PTPRT: variants seen among roughly 807,000 people sequenced by gnomAD.
PTPRT encodes the protein receptor-type tyrosine-protein phosphatase T.
Under a neutral mutation model 176.8 loss-of-function variants are expected in PTPRT, and 56 were observed. The observed-to-expected ratio is 0.32, with a 90% CI of 0.26 to 0.40. The LOEUF (loss-of-function observed/expected upper bound fraction) is 0.40, where lower values mean the gene tolerates loss of function less well. Ranked by LOEUF, PTPRT falls within the 10% of genes least tolerant of loss-of-function variation. PTPRT has a pLI of 1.00. For synonymous variants in PTPRT, 783 were observed against 739.0 expected, an observed-to-expected ratio of 1.06 and a Z score of -0.96; for missense variants, 1,540 against 1,908.2, an observed-to-expected ratio of 0.81 and a Z score of 3.60.
At chr20:42,582,855 T>G (rs573453721) in intron 7 of PTPRT, among the ~76,000 whole-genome samples, 5 of 152,156 alleles carry the variant, frequency 3.3e-5, no homozygotes, top group Non-Finnish European at 5.9e-5. Flanking sequence ...CCCAAATTAA[T>G]CCCCAAATGG....
At chr20:42,253,269 C>T (rs1021868018) in intron 13 of PTPRT, among the ~76,000 whole-genome samples, 1 of 152,044 alleles carries the variant, frequency 6.6e-6, no homozygotes, top group African/African-American at 2.4e-5. Context: ...ACTGATGGGG[C>T]CATTGGCAAT....
At chr20:42,138,793 A>G (rs1198353937) in intron 18 of PTPRT, among the ~76,000 whole-genome samples, 1 of 152,178 alleles carries the variant, frequency 6.6e-6, no homozygotes, top group East Asian at 1.9e-4. Flanking sequence ...ACTAAATTCT[A>G]AATAGAATCA....
At chr20:42,599,457 G>T (rs1476543089) in intron 7 of PTPRT, among the ~76,000 whole-genome samples, 1 of 152,150 alleles carries the variant, frequency 6.6e-6, no homozygotes, top group African/African-American at 2.4e-5. Context: ...AATGCCCCCT[G>T]CCTTAGGATT....
At chr20:42,405,338 C>T (rs2058950731) in intron 9 of PTPRT, among the ~76,000 whole-genome samples, 1 of 151,972 alleles carries the variant, frequency 6.6e-6, no homozygotes, top group Non-Finnish European at 1.5e-5. Context: ...GCTTTCCCTC[C>T]CCAATTTCCC....
intron 1 of PTPRT, among the ~76,000 whole-genome samples, chr20:43,077,794 T>C (rs1050919557): frequency 2.6e-5 from 4 of 152,232 alleles, no homozygotes; most frequent in Admixed American, 2.0e-4. Context: ...CCCTGCTGGC[T>C]TGTGGTGTGG....
chr20:42,052,305 C>T, the PTPRT span, among the ~76,000 whole-genome samples: 1 of 152,196 alleles, frequency 6.6e-6, no homozygotes, highest in Non-Finnish European at 1.5e-5. Flanking sequence ...CACATGAGAC[C>T]TATTTTCCCA....
intron 5 of PTPRT, among the ~76,000 whole-genome samples, chr20:42,761,710 T>TA (rs1007106357): frequency 1.5e-4 from 23 of 152,354 alleles, no homozygotes; most frequent in African/African-American, 5.5e-4. Flanking sequence ...GGGATCTTGT[T>TA]AAAAATGCAC....
chr20:42,492,937 T>C (rs2071586318), intron 7 of PTPRT, among the ~76,000 whole-genome samples: 1 of 152,240 alleles, frequency 6.6e-6, no homozygotes, highest in Admixed American at 6.5e-5. Context: ...GTTTATTCAT[T>C]CTATTTCTCA....
intron 1 of PTPRT, among the ~76,000 whole-genome samples, chr20:43,156,138 G>A (rs1472144608): frequency 6.6e-6 from 1 of 152,152 alleles, no homozygotes; most frequent in African/African-American, 2.4e-5. Flanking sequence ...ACCTTGTTTG[G>A]GGGCTTCTCT....
intron 13 of PTPRT, chr20:42,270,288 G>T (rs1262518597): frequency 1.6e-5 from 15 of 960,290 alleles, no homozygotes; most frequent in Middle Eastern, 3.1e-4. Flanking sequence ...GGGTGGGTGG[G>T]TGGGTGGGGT....
rs537613186 is a variant in PTPRT, at chr20:42,795,350, C to T, written c.215-3884G>A. Among the ~76,000 whole-genome samples, 7 of 152,258 alleles carry T rather than the reference C, an allele frequency of 4.6e-5. No homozygotes were observed. In the South Asian group the frequency reaches 1.5e-3, roughly 32 times the overall value. On this transcript the variant is annotated intron_variant, in intron 2 of 30. Coordinates refer to ENST00000373187, the MANE Select transcript of PTPRT (RefSeq NM_007050.6). Reference sequence around the variant, plus strand: ...TCGTGCATAATAATGCCTTGATAAGCGCCTCGTTATTGATGTGTCTGCAAC... The same window carrying T: ...TCGTGCATAATAATGCCTTGATAAGTGCCTCGTTATTGATGTGTCTGCAAC...
intron 2 of PTPRT, among the ~76,000 whole-genome samples, chr20:42,880,113 C>CG (rs956765055): frequency 4.6e-5 from 7 of 151,744 alleles, no homozygotes; most frequent in South Asian, 2.1e-4. Flanking sequence ...GGGGCAGGCC[C>CG]GGGGGGGTTT....
At chr20:42,663,571 A>G (rs1196678765) in intron 7 of PTPRT, among the ~76,000 whole-genome samples, 2 of 152,124 alleles carry the variant, frequency 1.3e-5, no homozygotes, top group Non-Finnish European at 2.9e-5. Context: ...ACAGGGGCTC[A>G]TGTGCTCTTT....
At chr20:42,975,423 G>A (rs751298075) in intron 1 of PTPRT, among the ~76,000 whole-genome samples, 1 of 151,882 alleles carries the variant, frequency 6.6e-6, no homozygotes, top group African/African-American at 2.4e-5. Flanking sequence ...AAAAATGTAT[G>A]GATTCTTATT....
At chr20:42,139,132 T>C (rs994519833) in intron 18 of PTPRT, among the ~76,000 whole-genome samples, 9 of 152,266 alleles carry the variant, frequency 5.9e-5, no homozygotes, top group Middle Eastern at 3.4e-3. Context: ...TCCATTTCCC[T>C]TTTTTTCTTG....
chr20:42,656,383 A>G (rs2075125595), intron 7 of PTPRT, among the ~76,000 whole-genome samples: 1 of 152,212 alleles, frequency 6.6e-6, no homozygotes. Flanking sequence ...TTCCGCTCCA[A>G]ATAGGGGGTT....
At chr20:42,740,718 C>T (rs2076596099) in intron 6 of PTPRT, among the ~76,000 whole-genome samples, 2 of 152,148 alleles carry the variant, frequency 1.3e-5, no homozygotes, top group South Asian at 4.2e-4. Flanking sequence ...CAGAAATGAG[C>T]TGTGCAAACA....
At chr20:42,197,019 C>T (rs192935119) in intron 16 of PTPRT, among the ~76,000 whole-genome samples, 10 of 151,880 alleles carry the variant, frequency 6.6e-5, no homozygotes, top group Non-Finnish European at 1.2e-4. Flanking sequence ...TGAATGTTAT[C>T]ATGATGAAAA....
intron 19 of PTPRT, among the ~76,000 whole-genome samples, chr20:42,127,799 T>C (rs905102777): frequency 6.6e-6 from 1 of 152,248 alleles, no homozygotes; most frequent in South Asian, 2.1e-4. Context: ...TGTTTGAGTT[T>C]AGTCCCTTCC....
Sources: allele counts gnomAD v4.1 joint callset (sites outside exome capture counted in the v4.1 genomes callset), GRCh38; gene constraint gnomAD v4.1.1; transcripts MANE v1.5; gene names NCBI Gene and HGNC (gene_info 2026-07-23, HGNC 2026-07-21).